FBXL7: variants seen among roughly 807,000 people sequenced by gnomAD.
FBXL7 encodes the protein F-box and leucine rich repeat protein 7, also known as F-box/LRR-repeat protein 7.
FBXL7 carries 12 observed loss-of-function variants against 38.3 expected under a neutral mutation model. The observed-to-expected ratio is 0.31, with a 90% CI of 0.20 to 0.51. The LOEUF is 0.51. FBXL7 is among the 20% of genes least tolerant of loss of function. The pLI, the probability that FBXL7 is intolerant of heterozygous loss-of-function variation, is 0.98. For missense variants in FBXL7, 567 were observed against 676.4 expected, an observed-to-expected ratio of 0.84 and a Z score of 1.79; for synonymous variants, 297 against 300.9, an observed-to-expected ratio of 0.99 and a Z score of 0.13.
intron 2 of FBXL7, among the ~76,000 whole-genome samples, chr5:15,646,118 GTA>G (rs77930550): frequency 0.059 from 9,051 of 152,132 alleles, 736 homozygotes; most frequent in East Asian, 0.35. Flanking sequence ...GGGGATAATA[GTA>G]TATGTTTCAC....
chr5:15,825,285 A>G (rs1738282104), intron 2 of FBXL7, among the ~76,000 whole-genome samples: 2 of 152,118 alleles, frequency 1.3e-5, no homozygotes, highest in African/African-American at 2.4e-5. Flanking sequence ...TTCCTATATG[A>G]TTACTAAAAA....
At chr5:15,688,356 T>C (rs1225893911) in intron 2 of FBXL7, among the ~76,000 whole-genome samples, 2 of 152,208 alleles carry the variant, frequency 1.3e-5, no homozygotes, top group Admixed American at 1.3e-4. Context: ...GTACGTAGTA[T>C]TATCCCAATT....
chr5:15,884,632 T>G (rs1422238905), intron 2 of FBXL7, among the ~76,000 whole-genome samples: 1 of 152,184 alleles, frequency 6.6e-6, no homozygotes, highest in Non-Finnish European at 1.5e-5. Flanking sequence ...AAAACGCAAT[T>G]CATTTACAAG....
chr5:15,809,798 G>T (rs1036176931), intron 2 of FBXL7, among the ~76,000 whole-genome samples: 1 of 152,152 alleles, frequency 6.6e-6, no homozygotes, highest in Non-Finnish European at 1.5e-5. Context: ...AAGACAACTT[G>T]AAAATAACTT....
At chr5:15,665,699 C>T (rs1479920313) in intron 2 of FBXL7, among the ~76,000 whole-genome samples, 1 of 152,078 alleles carries the variant, frequency 6.6e-6, no homozygotes, top group Non-Finnish European at 1.5e-5. Flanking sequence ...AGTTCATATC[C>T]ACAGCTATAT....
rs11958039 is a variant in FBXL7, at chr5:15,712,459, A to T, written c.127+96387A>T. Among the ~76,000 whole-genome samples the T allele has an allele frequency of 3.7e-3, 566 of 152,240 alleles. 3 individuals are homozygous for T. Among genetic ancestry groups the T allele is most frequent in the African/African-American group, 0.013 (524 of 41,552 alleles). On this transcript the variant is annotated intron_variant, in intron 2 of 3. Transcript: ENST00000504595. Reference sequence around the variant, plus strand: ...GGATAGATTATGGGCAATTGCACAGAAGTAGCCCTAAAAACCTGGCTGACT... The same window carrying T: ...GGATAGATTATGGGCAATTGCACAGTAGTAGCCCTAAAAACCTGGCTGACT...
chr5:15,743,666 A>G (rs1203098474), intron 2 of FBXL7, among the ~76,000 whole-genome samples: 1 of 152,244 alleles, frequency 6.6e-6, no homozygotes, highest in Non-Finnish European at 1.5e-5. Flanking sequence ...TCCATTAAGC[A>G]GTGCCTCAGT....
At chr5:15,642,531 A>G (rs1325341176) in intron 2 of FBXL7, among the ~76,000 whole-genome samples, 1 of 152,218 alleles carries the variant, frequency 6.6e-6, no homozygotes, top group Non-Finnish European at 1.5e-5. Flanking sequence ...ATAGTCCATG[A>G]AACCTGCTCT....
At chr5:15,808,240 T>A (rs1737767383) in intron 2 of FBXL7, among the ~76,000 whole-genome samples, 1 of 152,170 alleles carries the variant, frequency 6.6e-6, no homozygotes, top group Non-Finnish European at 1.5e-5. Context: ...TCCTTCATTG[T>A]CTTTCTCAGT....
intron 2 of FBXL7, among the ~76,000 whole-genome samples, chr5:15,760,803 ACTTAACT>A (rs1384876605): frequency 6.6e-6 from 1 of 152,170 alleles, no homozygotes; most frequent in African/African-American, 2.4e-5. Flanking sequence ...ATGAGGACAA[ACTTAACT>A]CTTAAGTCAT....
chr5:15,614,461 G>A (rs1211061597), intron 1 of FBXL7, among the ~76,000 whole-genome samples: 6 of 151,908 alleles, frequency 3.9e-5, no homozygotes, highest in Admixed American at 3.9e-4. Context: ...GTAGAGATGG[G>A]GTTTCACGAT....
chr5:15,542,359 C>T (rs931914018), intron 1 of FBXL7, among the ~76,000 whole-genome samples: 5 of 152,084 alleles, frequency 3.3e-5, no homozygotes, highest in Admixed American at 6.6e-5. Flanking sequence ...TTGGTTATCC[C>T]ATTTTAGCTG....
At chr5:15,774,207 C>A (rs1195761550) in intron 2 of FBXL7, among the ~76,000 whole-genome samples, 2 of 151,968 alleles carry the variant, frequency 1.3e-5, no homozygotes, top group East Asian at 1.9e-4. Context: ...CCTTTTCTCA[C>A]CTTGTCATTC....
intron 2 of FBXL7, among the ~76,000 whole-genome samples, chr5:15,787,815 G>A (rs896356681): frequency 7.2e-5 from 11 of 152,222 alleles, no homozygotes; most frequent in East Asian, 1.9e-4. Flanking sequence ...ACATGTGGTC[G>A]TTTCTATTTA....
chr5:15,759,834 G>C (rs73072010), intron 2 of FBXL7, among the ~76,000 whole-genome samples: 1 of 152,146 alleles, frequency 6.6e-6, no homozygotes. Flanking sequence ...CTGGTGTCTG[G>C]TCATAGGATC....
chr5:15,646,534 A>G (rs1236425126), intron 2 of FBXL7, among the ~76,000 whole-genome samples: 2 of 152,060 alleles, frequency 1.3e-5, no homozygotes, highest in African/African-American at 4.8e-5. Context: ...CTGAATAGAT[A>G]CTCCTACGTT....
In FBXL7 at chr5:15,647,063, CTT is replaced by C. The variant is rs753976090; in HGVS notation, c.127+30992_127+30993del. On this transcript the variant is annotated intron_variant, in intron 2 of 3. Coordinates refer to ENST00000504595, the MANE Select transcript of FBXL7 (RefSeq NM_012304.5). ...TGGTAAGCCTAGGGACTGTGGAACTCTTATATTAGATTTGGTTAACTTTAGGA... is the reference window on the plus strand; with the variant it reads ...TGGTAAGCCTAGGGACTGTGGAACTCATATTAGATTTGGTTAACTTTAGGA... 4.1e-4 allele frequency among the ~76,000 whole-genome samples: 63 copies of C among 152,270 alleles called. No homozygotes were observed. The Middle Eastern group carries it at 0.01, about 25-fold the overall frequency.
At chr5:15,853,575 G>T (rs1579522493) in intron 2 of FBXL7, among the ~76,000 whole-genome samples, 2 of 152,272 alleles carry the variant, frequency 1.3e-5, no homozygotes, top group South Asian at 2.1e-4. Context: ...GTTCAATGCG[G>T]AGTAACTGGG....
chr5:15,546,579 A>C (rs1418207693), intron 1 of FBXL7, among the ~76,000 whole-genome samples: 1 of 151,456 alleles, frequency 6.6e-6, no homozygotes, highest in Non-Finnish European at 1.5e-5. Flanking sequence ...AAAAAAACAA[A>C]AATTAGCTGG....
Sources: allele counts gnomAD v4.1 joint callset (sites outside exome capture counted in the v4.1 genomes callset), GRCh38; gene constraint gnomAD v4.1.1; transcripts MANE v1.5; gene names NCBI Gene and HGNC (gene_info 2026-07-23, HGNC 2026-07-21).